The following TAF4B variants were observed in gnomAD, a reference collection of about 807,000 sequenced individuals.
TAF4B encodes the protein TATA-box binding protein associated factor 4b, also known as transcription initiation factor TFIID subunit 4B.
TAF4B carries 38 observed loss-of-function variants against 86.4 expected under a neutral mutation model. That is an observed-to-expected ratio of 0.44 (90% CI 0.34 to 0.58). TAF4B has a LOEUF of 0.58. TAF4B is among the 20% of genes least tolerant of loss of function. The probability of loss-of-function intolerance (pLI) is 0.02; values close to 1 mark genes in which losing one functional copy is unlikely to be tolerated. For missense variants in TAF4B, 988 were observed against 1,027.6 expected, an observed-to-expected ratio of 0.96 and a Z score of 0.53; for synonymous variants, 388 against 391.2, an observed-to-expected ratio of 0.99 and a Z score of 0.10.
intron 6 of TAF4B, among the ~76,000 whole-genome samples, chr18:26,285,232 T>TTTGTTTTTTTTTTTTTTTTTTTTTTG: frequency 7.3e-6 from 1 of 137,912 alleles, no homozygotes; most frequent in Non-Finnish European, 1.6e-5. Flanking sequence ...GTTTTTTTTT[T>TTTGTTTTTTTTTTTTTTTTTTTTTTG]TTTTGGAGAT....
At chr18:26,239,312 G>A (rs982719058) in intron 1 of TAF4B, among the ~76,000 whole-genome samples, 1 of 152,020 alleles carries the variant, frequency 6.6e-6, no homozygotes, top group Non-Finnish European at 1.5e-5. Flanking sequence ...TCTCATTGTG[G>A]TTTCGATTTG....
rs1050740116 is a variant in TAF4B, at chr18:26,346,607, C to T, written c.2317-11083C>T. On this transcript the variant is annotated intron_variant, in intron 13 of 14. Coordinates refer to ENST00000269142, the MANE Select transcript of TAF4B (RefSeq NM_005640.3). The stretch of plus-strand genomic sequence containing the variant: ...TCTAAAAGCAGCAAAAGAAAAATGT[C>T]AATTCACAAATAAAGGTATTCTTAT... 3.3e-5 allele frequency among the ~76,000 whole-genome samples: 5 copies of T among 150,222 alleles called. No homozygotes were observed. In the Admixed American group the frequency reaches 3.3e-4, roughly 10 times the overall value.
intron 1 of TAF4B, among the ~76,000 whole-genome samples, chr18:26,260,825 C>T (rs922088719): frequency 3.9e-5 from 6 of 152,174 alleles, no homozygotes; most frequent in Non-Finnish European, 7.3e-5. Flanking sequence ...AGATGTATCA[C>T]ACCTTTCTTC....
At chr18:26,290,216 T>G (rs2056575198) in intron 7 of TAF4B, among the ~76,000 whole-genome samples, 1 of 152,164 alleles carries the variant, frequency 6.6e-6, no homozygotes, top group Non-Finnish European at 1.5e-5. Flanking sequence ...CATGGTTCAC[T>G]GCAGCCTCGA....
At position 26,333,232 on chromosome 18, in the gene TAF4B, T is replaced by A. The variant is rs531939727; in HGVS notation, c.2260-1943T>A. 3.1e-3 allele frequency among the ~76,000 whole-genome samples: 467 copies of A among 151,570 alleles called. 4 individuals carry two copies. Among genetic ancestry groups the A allele is most frequent in the Non-Finnish European group, 5.4e-3 (369 of 67,886 alleles). ...TTTTTAAATTGTTATTATTATTATT[T>A]TTTTTGGAGACAGGGTCTTGCTGTG... On this transcript the variant is annotated intron_variant, in intron 12 of 14. Transcript: ENST00000269142.
At chr18:26,382,887 G>T (rs1156398452) in intron 14 of TAF4B, among the ~76,000 whole-genome samples, 5 of 152,128 alleles carry the variant, frequency 3.3e-5, no homozygotes, top group South Asian at 2.1e-4. Context: ...AAGTGCATAG[G>T]AGTTGCACCT....
intron 1 of TAF4B, among the ~76,000 whole-genome samples, chr18:26,236,327 G>A (rs555944312): frequency 5.2e-4 from 79 of 152,278 alleles, no homozygotes; most frequent in Non-Finnish European, 9.1e-4. Flanking sequence ...CTTGAGGACG[G>A]CTGTCTGGGG....
chr18:26,374,263 A>T (rs1390709288), intron 14 of TAF4B, among the ~76,000 whole-genome samples: 3 of 152,042 alleles, frequency 2.0e-5, no homozygotes, highest in East Asian at 1.9e-4. Flanking sequence ...ATGCTAAGAA[A>T]TTTTTTTTAA....
chr18:26,248,900 G>A (rs996957256), intron 1 of TAF4B, among the ~76,000 whole-genome samples: 2 of 150,386 alleles, frequency 1.3e-5, no homozygotes, highest in Non-Finnish European at 1.5e-5. Context: ...TAGGCTGGGC[G>A]CAGTGGCTCA....
intron 9 of TAF4B, among the ~76,000 whole-genome samples, chr18:26,307,770 ATTAAC>A (rs1478666642): frequency 6.6e-6 from 1 of 152,112 alleles, no homozygotes. Context: ...TCTAGTGTAT[ATTAAC>A]TTATTTAACT....
intron 1 of TAF4B, among the ~76,000 whole-genome samples, chr18:26,237,007 T>C (rs2144443879): frequency 6.6e-6 from 1 of 152,308 alleles, no homozygotes; most frequent in African/African-American, 2.4e-5. Flanking sequence ...CCCTGAGTTA[T>C]GGTGGACATC....
chr18:26,279,545 C>CAAAAAAAAA (rs375937630), intron 5 of TAF4B, among the ~76,000 whole-genome samples: 1 of 113,536 alleles, frequency 8.8e-6, no homozygotes, highest in African/African-American at 2.9e-5. Context: ...CAATTAGAAG[C>CAAAAAAAAA]AAAAAAAAAA....
intron 13 of TAF4B, among the ~76,000 whole-genome samples, chr18:26,356,174 G>A (rs2057287472): frequency 6.6e-6 from 1 of 152,130 alleles, no homozygotes; most frequent in African/African-American, 2.4e-5. Context: ...TGCGCACTAT[G>A]TTCTCACTTG....
Position 26,286,288 on chromosome 18 carries a change from C to G in TAF4B, c.1379C>G (p.Thr460Arg). Residue 460 changes from threonine (T) to arginine (R), a missense_variant, in exon 7 of 15, where the codon ACA (threonine) becomes AGA (arginine). Physicochemically the swap from Thr to Arg is moderately conservative, Grantham distance 71 (BLOSUM62 -1). Around this residue, in one of 3 missense-constraint regions of TAF4B, gnomAD observed 747 missense variants for 737.9 expected, o/e 1.01. Transcript: ENST00000269142. ...LQPEKPVVSG[T>R]AVTLSLPAVT... ...CCTGAAAAGCCAGTTGTCTCTGGAA[C>G]AGCAGTAACACTGTCCCTTCCAGCA... 1 of 1,614,264 alleles carries G rather than the reference C, an allele frequency of 6.2e-7. No individual in the cohort carries two copies. The highest frequency in any genetic ancestry group is 8.5e-7 in the Non-Finnish European group (1 of 1,180,050).
chr18:26,241,441 C>T (rs2055837231), intron 1 of TAF4B, among the ~76,000 whole-genome samples: 1 of 152,190 alleles, frequency 6.6e-6, no homozygotes, highest in Admixed American at 6.5e-5. Flanking sequence ...TCCCCATTAT[C>T]ATTTTTTATT....
intron 14 of TAF4B, among the ~76,000 whole-genome samples, chr18:26,383,331 G>A (rs1373052420): frequency 6.6e-6 from 1 of 152,124 alleles, no homozygotes. Context: ...AAGTAATCTA[G>A]GCAGAAGATA....
chr18:26,273,735 C>T (rs1165712355), intron 3 of TAF4B, among the ~76,000 whole-genome samples: 1 of 152,160 alleles, frequency 6.6e-6, no homozygotes, highest in Non-Finnish European at 1.5e-5. Context: ...TTGTCTAGTA[C>T]ATATTCCAGT....
intron 14 of TAF4B, among the ~76,000 whole-genome samples, chr18:26,384,837 C>T (rs1297067160): frequency 3.9e-5 from 6 of 152,142 alleles, no homozygotes; most frequent in African/African-American, 9.7e-5. Context: ...TTTGCAGATT[C>T]GGAAACTGAG....
intron 13 of TAF4B, among the ~76,000 whole-genome samples, chr18:26,357,134 G>T (rs545907383): frequency 6.6e-6 from 1 of 152,094 alleles, no homozygotes; most frequent in African/African-American, 2.4e-5. Context: ...TTTGTGTGGT[G>T]CCTTTTATGA....
Sources: allele counts gnomAD v4.1 joint callset (sites outside exome capture counted in the v4.1 genomes callset), GRCh38; gene constraint gnomAD v4.1.1; regional missense constraint gnomAD v4.1.1; transcripts MANE v1.5; gene names NCBI Gene and HGNC (gene_info 2026-07-23, HGNC 2026-07-21).